NLGN4X: variants seen among roughly 807,000 people sequenced by gnomAD.
NLGN4X encodes the protein neuroligin 4 X-linked.
Under a neutral mutation model 40.3 loss-of-function variants are expected in NLGN4X, and 3 were observed. That is an observed-to-expected ratio of 0.07 (90% CI 0.03 to 0.19). NLGN4X has a LOEUF of 0.19. Ranked by LOEUF, NLGN4X falls within the 10% of genes least tolerant of loss-of-function variation. The pLI is 1.00. For missense variants in NLGN4X, 382 were observed against 708.3 expected, an observed-to-expected ratio of 0.54 and a Z score of 5.23; for synonymous variants, 270 against 306.8, an observed-to-expected ratio of 0.88 and a Z score of 1.25.
At chrX:6,124,525 T>C (rs1602274331) in intron 2 of NLGN4X, among the ~76,000 whole-genome samples, 2 of 111,365 alleles carry the variant, frequency 1.8e-5, no homozygotes, top group South Asian at 7.5e-4. Flanking sequence ...CTACTAAAAA[T>C]ACAAAAGTTA....
chrX:6,154,959 A>G (rs1198029951), intron 1 of NLGN4X, among the ~76,000 whole-genome samples: 1 of 111,870 alleles, frequency 8.9e-6, no homozygotes, highest in Non-Finnish European at 1.9e-5. Flanking sequence ...CCCAAAGTAT[A>G]CATTCCTTAA....
At chrX:5,913,438 G>C (rs1281760174) in intron 3 of NLGN4X, among the ~76,000 whole-genome samples, 1 of 111,416 alleles carries the variant, frequency 9.0e-6, no homozygotes, top group Admixed American at 9.5e-5. Context: ...CAAGCTACTT[G>C]ATTGTCTAAA....
chrX:5,949,643 G>T (rs2034242183), intron 3 of NLGN4X, among the ~76,000 whole-genome samples: 1 of 111,988 alleles, frequency 8.9e-6, no homozygotes, highest in African/African-American at 3.2e-5. Context: ...GAAGTAATAA[G>T]AATATAGATG....
At chrX:6,082,569 A>T (rs1415903103) in intron 2 of NLGN4X, among the ~76,000 whole-genome samples, 1 of 111,159 alleles carries the variant, frequency 9.0e-6, no homozygotes, top group Non-Finnish European at 1.9e-5. Context: ...ATAAGCCAAA[A>T]CAAGATGTAT....
At chrX:6,036,643 C>CACACACACACAA (rs1177520572) in intron 2 of NLGN4X, among the ~76,000 whole-genome samples, 14 of 109,320 alleles carry the variant, frequency 1.3e-4, no homozygotes, top group African/African-American at 4.7e-4. Flanking sequence ...CACACACACA[C>CACACACACACAA]AGCCCAAATA....
intron 5 of NLGN4X, among the ~76,000 whole-genome samples, chrX:5,900,954 T>C (rs1346617089): frequency 9.0e-6 from 1 of 111,476 alleles, no homozygotes; most frequent in Non-Finnish European, 1.9e-5. Flanking sequence ...TTAAAAAAAG[T>C]ATTAATTTGA....
At chrX:6,136,631 G>C (rs769533261) in intron 2 of NLGN4X, among the ~76,000 whole-genome samples, 6 of 112,261 alleles carry the variant, frequency 5.3e-5, no homozygotes, top group Non-Finnish European at 1.1e-4. Flanking sequence ...AACAAAAAGG[G>C]TATACTAGTA....
chrX:5,939,026 T>C (rs113319639), intron 3 of NLGN4X, among the ~76,000 whole-genome samples: 10 of 109,672 alleles, frequency 9.1e-5, no homozygotes, highest in African/African-American at 3.0e-4. Context: ...AGCTTGGTTT[T>C]GCATTATCCA....
At chrX:5,940,599 GA>G (rs5901304) in intron 3 of NLGN4X, among the ~76,000 whole-genome samples, 52 of 90,374 alleles carry the variant, frequency 5.8e-4, no homozygotes, top group East Asian at 1.8e-3. Context: ...CTATTCTCTA[GA>G]AAAAAAAAAA....
chrX:6,029,361 C>T lies in NLGN4X; in HGVS notation c.544G>A (p.Gly182Ser), dbSNP rs754896196. 87 of 1,208,399 alleles carry T rather than the reference C, an allele frequency of 7.2e-5. No homozygotes were observed. In the South Asian group the frequency reaches 1.3e-3, roughly 18 times the overall value. The part of the protein sequence containing the change: ...IHGGSYMEGT[G>S]NMIDGSILAS... ...AAAATGCTGCCGTCAATCATGTTGC[C>T]GGTGCCCTCCATGTAAGATCCCCCA... The change falls in exon 3 of 6, where the codon GGC (glycine) becomes AGC (serine). Residue 182 changes from glycine to serine, a missense_variant. Around this residue, in one of 5 missense-constraint regions of NLGN4X, gnomAD observed 115 missense variants for 149.6 expected, o/e 0.77. Coordinates refer to ENST00000381095, the MANE Select transcript of NLGN4X (RefSeq NM_181332.3).
At chrX:5,946,959 T>C (rs2034144473) in intron 3 of NLGN4X, among the ~76,000 whole-genome samples, 1 of 111,689 alleles carries the variant, frequency 9.0e-6, no homozygotes, top group African/African-American at 3.3e-5. Context: ...ACATAGTTGG[T>C]TAAGCATAAT....
chrX:6,117,392 T>G (rs143429803), intron 2 of NLGN4X, among the ~76,000 whole-genome samples: 64 of 110,649 alleles, frequency 5.8e-4, no homozygotes, highest in African/African-American at 2.1e-3. Flanking sequence ...CAATGCATGC[T>G]CTACTGCCTC....
intron 2 of NLGN4X, among the ~76,000 whole-genome samples, chrX:6,070,314 A>C (rs916204667): frequency 1.8e-5 from 2 of 112,166 alleles, no homozygotes; most frequent in African/African-American, 6.5e-5. Flanking sequence ...TGCATATAAC[A>C]CTTCAAAAAA....
intron 2 of NLGN4X, among the ~76,000 whole-genome samples, chrX:6,083,120 G>A (rs5915639): frequency 0.41 from 39,251 of 96,221 alleles, 7,808 homozygotes; most frequent in Admixed American, 0.45. Context: ...CACCTCGCCC[G>A]GCTAATTTTT....
rs141218334 is a variant in NLGN4X, at chrX:5,952,310, G to A, written c.626-43071C>T. Among the ~76,000 whole-genome samples the A allele has an allele frequency of 6.8e-3, 763 of 112,074 alleles. 2 individuals carry two copies. Among genetic ancestry groups the A allele is most frequent in the Middle Eastern group, 0.014 (3 of 218 alleles). ...AGGTCAGGCACGTATTTCCAAACGG[G>A]ATAAACAAAAGAATGTGGATGTGAT... is the stretch of plus-strand genomic sequence containing the variant. On this transcript the variant is annotated intron_variant, in intron 3 of 5. Coordinates refer to ENST00000381095, the MANE Select transcript of NLGN4X (RefSeq NM_181332.3).
intron 3 of NLGN4X, among the ~76,000 whole-genome samples, chrX:5,914,637 C>T (rs866552499): frequency 2.0e-5 from 2 of 101,963 alleles, no homozygotes; most frequent in East Asian, 3.0e-4. Flanking sequence ...TATATATATG[C>T]ATATATAACC....
At position 5,980,646 on chromosome X, in the gene NLGN4X, G is replaced by GA. The variant is rs746956177; in HGVS notation, c.625+48633dup. On this transcript the variant is annotated intron_variant, in intron 3 of 5. Coordinates refer to ENST00000381095, the MANE Select transcript of NLGN4X (RefSeq NM_181332.3). ...CTTAATGTTTCCAACACCATTTCTT[G>GA]AAAAAAAAATCATTCCTGCATAGAA... Among the ~76,000 whole-genome samples, 957 of 105,097 alleles carry GA rather than the reference G, an allele frequency of 9.1e-3. 10 individuals are homozygous for GA. Among genetic ancestry groups the GA allele is most frequent in the African/African-American group, 0.032 (918 of 28,989 alleles). 91.3% of individuals were successfully genotyped at this position (105,097 alleles called of 115,157 possible).
chrX:6,129,635 T>C (rs1348109906), intron 2 of NLGN4X, among the ~76,000 whole-genome samples: 1 of 111,346 alleles, frequency 9.0e-6, no homozygotes, highest in Non-Finnish European at 1.9e-5. Context: ...GTTTCTCCTT[T>C]CCATTATGTG....
At chrX:6,205,494 T>C (rs920142099) in intron 1 of NLGN4X, among the ~76,000 whole-genome samples, 1 of 112,599 alleles carries the variant, frequency 8.9e-6, no homozygotes, top group Non-Finnish European at 1.9e-5. Flanking sequence ...AAGAAAGATC[T>C]CTTCCCAGAT....
Sources: gnomAD v4.1 joint callset for allele counts (sites outside exome capture counted in the v4.1 genomes callset) on GRCh38, gnomAD v4.1.1 for gene constraint, gnomAD v4.1.1 regional missense constraint, MANE v1.5 for transcripts, NCBI Gene and HGNC (gene_info 2026-07-23, HGNC 2026-07-21) for gene names.